The following CFH variants were observed in gnomAD, a reference collection of about 807,000 sequenced individuals.
The protein encoded by CFH is H factor 1 (complement).
In CFH, 53 loss-of-function variants were observed where a neutral mutation model predicts 147.3. The observed-to-expected ratio is 0.36, with a 90% CI of 0.29 to 0.45. The LOEUF (loss-of-function observed/expected upper bound fraction) is 0.45. CFH is among the 20% of genes least tolerant of loss of function. The pLI is 1.00. For missense variants in CFH, 1,380 were observed against 1,498.0 expected (o/e 0.92, Z 1.30); for synonymous variants, 536 against 489.4 (o/e 1.10, Z -1.26).
chr1:196,692,822 C>CTT (rs1367433142), intron 9 of CFH, among the ~76,000 whole-genome samples: 3 of 22,514 alleles, frequency 1.3e-4, no homozygotes, highest in African/African-American at 5.2e-4. Context: ...TTCTTTCTTT[C>CTT]TCTTTCCTTC....
Position 196,686,493 on chromosome 1 carries a change from CT to C in CFH, c.964+1257del, listed in dbSNP as rs34386071. 4.3e-3 allele frequency among the ~76,000 whole-genome samples: 661 copies of C among 152,184 alleles called. 3 individuals are homozygous for C. Among genetic ancestry groups the C allele is most frequent in the Non-Finnish European group, 7.5e-3 (513 of 67,990 alleles). The stretch of plus-strand genomic sequence containing the variant: ...CCCCTTTTTAATGTTTTTTCTATCT[CT>C]ACAATCAAATTTCTTTTCTTTCTAT... On this transcript the variant is annotated intron_variant, in intron 7 of 21. Coordinates refer to ENST00000367429, the MANE Select transcript of CFH (RefSeq NM_000186.4).
intron 7 of CFH, among the ~76,000 whole-genome samples, chr1:196,685,450 C>A (rs1489633970): frequency 6.6e-6 from 1 of 151,898 alleles, no homozygotes; most frequent in Non-Finnish European, 1.5e-5. Context: ...GTATGTTTCC[C>A]TAATTAATAA....
At chr1:196,719,259 A>C (rs1668942842) in intron 11 of CFH, among the ~76,000 whole-genome samples, 2 of 152,158 alleles carry the variant, frequency 1.3e-5, no homozygotes, top group East Asian at 3.9e-4. Flanking sequence ...CCAATAATCA[A>C]GATCTTAACT....
At chr1:196,740,519 T>A in intron 17 of CFH, 100 bp from the exon 18 acceptor site, 1 of 1,159,442 alleles carries the variant, frequency 8.6e-7, no homozygotes, top group South Asian at 1.4e-5. Flanking sequence ...TAGTAGCTCC[T>A]GTATTGTTTA....
Position 196,708,637 on chromosome 1 carries a change from C to G in CFH, c.1337-5098C>G, listed in dbSNP as rs554697517. Among the ~76,000 whole-genome samples, 11 of 152,184 alleles carry G rather than the reference C, an allele frequency of 7.2e-5. No individual in the cohort carries two copies. In the South Asian group the frequency reaches 1.9e-3, roughly 26 times the overall value. On this transcript the variant is annotated intron_variant, in intron 9 of 21. Coordinates refer to ENST00000367429, the MANE Select transcript of CFH (RefSeq NM_000186.4). ...TGAAAAAATCCATCAATAAATGCAC[C>G]CTTGAGGGCTTTACCTGTGTGCCCC...
Position 196,676,081 on chromosome 1 carries a change from A to G in CFH, c.427+16A>G. 1 of 1,450,144 alleles carries G rather than the reference A, an allele frequency of 6.9e-7. No homozygotes were observed. The highest frequency in any genetic ancestry group is 1.2e-5 in the South Asian group (1 of 84,544). The allele number at this position is 1,450,144 out of a possible 1,614,324, so 89.8% of individuals were successfully genotyped here. On this transcript the variant is annotated intron_variant, in intron 4 of 21. Transcript: ENST00000367429. Reference sequence around the variant, plus strand: ...ATATGTGAAGGTAGACATAAAATGTATTTACAAGTATATTGAAATAAATAT... The same window carrying G: ...ATATGTGAAGGTAGACATAAAATGTGTTTACAAGTATATTGAAATAAATAT...
At chr1:196,729,452 T>C (rs1178713507) in intron 15 of CFH, among the ~76,000 whole-genome samples, 1 of 152,022 alleles carries the variant, frequency 6.6e-6, no homozygotes, top group Admixed American at 6.6e-5. Context: ...CATTTGATCA[T>C]AGTGAATGAT....
At position 196,671,192 on chromosome 1, in the gene CFH, T is replaced by C. The variant is rs190288863; in HGVS notation, c.59-1786T>C. ...TTGAATATCTTTTTTAAATTTTCAT[T>C]TCTATATTTTCTATAGTTCCTTTAA... On this transcript the variant is annotated intron_variant, in intron 1 of 21. Transcript: ENST00000367429. 2.6e-3 allele frequency among the ~76,000 whole-genome samples: 396 copies of C among 152,226 alleles called. 2 individuals carry two copies. The highest frequency in any genetic ancestry group is 0.013 in the East Asian group (67 of 5,184).
intron 3 of CFH, among the ~76,000 whole-genome samples, chr1:196,674,936 T>A (rs1024266033): frequency 6.6e-6 from 1 of 152,164 alleles, no homozygotes; most frequent in African/African-American, 2.4e-5. Context: ...AGATACCAAA[T>A]AAGTATAATT....
At chr1:196,681,496 A>ACC (rs1553273935) in intron 6 of CFH, among the ~76,000 whole-genome samples, 8 of 149,620 alleles carry the variant, frequency 5.3e-5, no homozygotes, top group African/African-American at 1.5e-4. Flanking sequence ...ACACACACAC[A>ACC]CCCCTCAAAG....
chr1:196,698,537 A>G (rs1668355518), intron 9 of CFH, among the ~76,000 whole-genome samples: 1 of 152,086 alleles, frequency 6.6e-6, no homozygotes. Flanking sequence ...AGAAGTCAAA[A>G]CCCTGAATAG....
At chr1:196,742,459 G>A (rs1188619048) in intron 19 of CFH, among the ~76,000 whole-genome samples, 3 of 152,118 alleles carry the variant, frequency 2.0e-5, no homozygotes, top group African/African-American at 7.2e-5. Flanking sequence ...ATATAGAATT[G>A]TCTCTAACAT....
At chr1:196,667,616 T>C (rs150247023) in intron 1 of CFH, among the ~76,000 whole-genome samples, 2 of 152,296 alleles carry the variant, frequency 1.3e-5, no homozygotes, top group African/African-American at 4.8e-5. Flanking sequence ...TGAGTTTTCT[T>C]TTATGCTTTT....
chr1:196,728,401 T>C lies in CFH; in HGVS notation c.2292T>C (p.His764=). ...KSSNLIILEE[H]LKNKKEFDHN... ...CAAATTTAATTATACTTGAGGAACATTTAAAAAACAAGAAGGAATTCGATC... is the reference window on the plus strand; with the variant it reads ...CAAATTTAATTATACTTGAGGAACACTTAAAAAACAAGAAGGAATTCGATC... The change falls in exon 15 of 22, where the codon CAT becomes CAC. Residue 764 remains histidine, a synonymous_variant. Transcript: ENST00000367429. 1 of 1,601,670 alleles carries C rather than the reference T, an allele frequency of 6.2e-7. No individual in the cohort carries two copies. The highest frequency in any genetic ancestry group is 8.5e-7 in the Non-Finnish European group (1 of 1,171,004).
Position 196,661,476 on chromosome 1 carries a change from A to C in CFH, c.58+9301A>C, listed in dbSNP as rs1296020611. Among the ~76,000 whole-genome samples, 3 of 152,176 alleles carry C rather than the reference A, an allele frequency of 2.0e-5. 1 individual carries two copies. The highest frequency in any genetic ancestry group is 7.2e-5 in the African/African-American group (3 of 41,448). On this transcript the variant is annotated intron_variant, in intron 1 of 21. Transcript: ENST00000367429. ...TCTAACAGCAAGATAGTACCAGCAG[A>C]TTCAGTGTTTGGTGAGGTCTGCTCT...
intron 11 of CFH, among the ~76,000 whole-genome samples, chr1:196,723,363 T>C (rs1669049458): frequency 6.6e-6 from 1 of 152,200 alleles, no homozygotes; most frequent in Non-Finnish European, 1.5e-5. Flanking sequence ...AACTTTTGTA[T>C]GATGGCTTTC....
chr1:196,742,137 G>A (rs1418794517), intron 19 of CFH, 86 bp downstream of exon 19: 1 of 1,281,458 alleles, frequency 7.8e-7, no homozygotes, highest in African/African-American at 1.5e-5. Context: ...CACTTTGGGA[G>A]GCCGAGGTGG....
chr1:196,697,482 C>T (rs1165809634), intron 9 of CFH, among the ~76,000 whole-genome samples: 4 of 151,586 alleles, frequency 2.6e-5, no homozygotes, highest in East Asian at 3.9e-4. Flanking sequence ...GTTAGAATGG[C>T]GATCATTAAA....
In CFH at chr1:196,743,449, C is replaced by CA. The variant is rs1339471192; in HGVS notation, c.3134-2dup. 1 of 1,613,454 alleles carries CA rather than the reference C, an allele frequency of 6.2e-7. No individual in the cohort carries two copies. Among genetic ancestry groups the CA allele is most frequent in the Non-Finnish European group, 8.5e-7 (1 of 1,179,764 alleles). Reference sequence around the variant, plus strand: ...TGGAACCACTTCTTTTTTTTCTATTCAGACACCTCCTGTGTGAATCCGCCC... The same window carrying CA: ...TGGAACCACTTCTTTTTTTTCTATTCAAGACACCTCCTGTGTGAATCCGCCC... On this transcript the variant is annotated splice_polypyrimidine_tract_variant and splice_region_variant and intron_variant, in intron 19 of 21. Transcript: ENST00000367429.
Sources: allele counts gnomAD v4.1 joint callset (sites outside exome capture counted in the v4.1 genomes callset), GRCh38; gene constraint gnomAD v4.1.1; transcripts MANE v1.5; gene names NCBI Gene and HGNC (gene_info 2026-07-23, HGNC 2026-07-21).